Variants in IGSF5 observed in about 807,000 individuals in gnomAD.
IGSF5 encodes immunoglobulin superfamily 5 like.
Under a neutral mutation model 39.4 loss-of-function variants are expected in IGSF5, and 41 were observed. The observed-to-expected ratio is 1.04, with a 90% CI of 0.81 to 1.35. The LOEUF is 1.35. Ranked by LOEUF, IGSF5 falls within the 40% of genes most tolerant of loss-of-function variation. The probability of loss-of-function intolerance (pLI) is 0.00; values close to 1 mark genes in which losing one functional copy is unlikely to be tolerated. For synonymous variants in IGSF5, 183 were observed against 175.3 expected (o/e 1.04, Z -0.34); for missense variants, 487 against 494.6 (o/e 0.98, Z 0.15).
chr21:39,760,199 A>T (rs1415471598), intron 2 of IGSF5, among the ~76,000 whole-genome samples: 1 of 152,112 alleles, frequency 6.6e-6, no homozygotes, highest in Admixed American at 6.5e-5. Flanking sequence ...GTTATATAGA[A>T]CTCAGCCACC....
At chr21:39,779,661 A>C (rs554372454) in intron 5 of IGSF5, among the ~76,000 whole-genome samples, 2 of 152,230 alleles carry the variant, frequency 1.3e-5, no homozygotes, top group Non-Finnish European at 2.9e-5. Context: ...TATGTACATC[A>C]ATAGATGAAT....
intron 8 of IGSF5, among the ~76,000 whole-genome samples, chr21:39,794,482 G>T (rs1013713766): frequency 6.6e-6 from 1 of 152,168 alleles, no homozygotes; most frequent in Non-Finnish European, 1.5e-5. Flanking sequence ...GCAGCACTGA[G>T]AACATAGTAT....
At chr21:39,714,604 C>G in the IGSF5 span, among the ~76,000 whole-genome samples, 788 of 152,336 alleles carry the variant, frequency 5.2e-3, 10 homozygotes, top group African/African-American at 0.018. Flanking sequence ...ACTCCAGGCT[C>G]TCCCACAGCT....
At chr21:39,748,675 T>G (rs1031025752) in intron 2 of IGSF5, among the ~76,000 whole-genome samples, 6 of 151,974 alleles carry the variant, frequency 3.9e-5, no homozygotes, top group African/African-American at 1.4e-4. Context: ...ACATTGGGAG[T>G]GAGGGCTTCA....
the IGSF5 span, among the ~76,000 whole-genome samples, chr21:39,728,607 C>T: frequency 3.3e-5 from 5 of 152,288 alleles, no homozygotes; most frequent in South Asian, 2.1e-4. Flanking sequence ...TCTGCTTCCT[C>T]TCTCGTGCTC....
rs377713689 is a variant in IGSF5 at position 39,747,204 on chromosome 21, T to A, written c.100+906T>A. Among the ~76,000 whole-genome samples, 10 of 152,302 alleles carry A rather than the reference T, an allele frequency of 6.6e-5. No individual in the cohort carries two copies. The East Asian group carries it at 1.4e-3, about 21-fold the overall frequency. On this transcript the variant is annotated intron_variant, in intron 2 of 8. Transcript: ENST00000380588. ...AATCATGGCCGAAGGTGAAAGGCAC[T>A]TCTTACATGGCAGCAGCAAGAGCGA...
intron 6 of IGSF5, among the ~76,000 whole-genome samples, chr21:39,790,320 C>T (rs919526395): frequency 6.6e-6 from 1 of 152,218 alleles, no homozygotes; most frequent in African/African-American, 2.4e-5. Flanking sequence ...TTACCTTTTG[C>T]TTTAAATGGG....
intron 2 of IGSF5, among the ~76,000 whole-genome samples, chr21:39,763,116 C>G (rs568543473): frequency 2.6e-5 from 4 of 152,102 alleles, no homozygotes; most frequent in Non-Finnish European, 1.5e-5. Context: ...GACGAGCTCC[C>G]GGGACCTAAA....
chr21:39,783,056 A>C (rs1033047406), intron 5 of IGSF5, among the ~76,000 whole-genome samples: 26 of 152,226 alleles, frequency 1.7e-4, no homozygotes, highest in African/African-American at 6.0e-4. Flanking sequence ...TGTGGATTTC[A>C]TTCTGTTTTA....
chr21:39,766,880 A>G (rs910956646), intron 3 of IGSF5, among the ~76,000 whole-genome samples: 7 of 152,134 alleles, frequency 4.6e-5, no homozygotes, highest in African/African-American at 1.4e-4. Flanking sequence ...GAAATTCCCA[A>G]AGATTTTGTT....
the IGSF5 span, among the ~76,000 whole-genome samples, chr21:39,736,117 A>T: frequency 7.2e-6 from 1 of 139,220 alleles, no homozygotes; most frequent in South Asian, 2.1e-4. Context: ...GCCCCCTGGC[A>T]CCCACCCTGC....
At chr21:39,785,697 T>A (rs1292244609) in intron 5 of IGSF5, among the ~76,000 whole-genome samples, 1 of 152,104 alleles carries the variant, frequency 6.6e-6, no homozygotes, top group Non-Finnish European at 1.5e-5. Flanking sequence ...GAGCATGGAA[T>A]GTTCTTCCAT....
rs143029603 is a variant in IGSF5, at chr21:39,765,728, C to T, written c.294C>T (p.Tyr98=). 1.8e-4 allele frequency: 298 copies of T among 1,614,102 alleles called. No individual in the cohort carries two copies. The highest frequency in any genetic ancestry group is 8.5e-4 in the East Asian group (38 of 44,848). Residue 98 remains tyrosine (Y), a synonymous_variant, in exon 3 of 9, where the codon TAC becomes TAT. Coordinates refer to ENST00000380588, the MANE Select transcript of IGSF5 (RefSeq NM_001080444.2). ...ITNDRFTSQR[Y]DQGGNFTSEM... The stretch of plus-strand genomic sequence containing the variant: ...ATGACCGCTTCACCTCTCAGAGGTA[C>T]GACCAGGGCGGGAACTTCACCTCGG...
upstream of IGSF5, among the ~76,000 whole-genome samples, chr21:39,743,550 G>T (rs1205128458): frequency 6.6e-6 from 1 of 151,688 alleles, no homozygotes; most frequent in Non-Finnish European, 1.5e-5. Flanking sequence ...GCACTCTTTG[G>T]TTCATTGTTT....
At chr21:39,726,426 T>A in the IGSF5 span, among the ~76,000 whole-genome samples, 1 of 152,148 alleles carries the variant, frequency 6.6e-6, no homozygotes, top group East Asian at 1.9e-4. Context: ...CACGCAGGCC[T>A]CTGTCTCATG....
rs1300980098 is a variant in IGSF5 at position 39,749,018 on chromosome 21, C to T, written c.100+2720C>T. On this transcript the variant is annotated intron_variant, in intron 2 of 8. Transcript: ENST00000380588. ...CAGCACCAGGCGCCTGTGGAAGAAACATAAAAGACAAATTAACGGGAGAAA... is the reference window on the plus strand; with the variant it reads ...CAGCACCAGGCGCCTGTGGAAGAAATATAAAAGACAAATTAACGGGAGAAA... Among the ~76,000 whole-genome samples, 4 of 150,484 alleles carry T rather than the reference C, an allele frequency of 2.7e-5. No homozygotes were observed. In the East Asian group the frequency reaches 7.7e-4, roughly 29 times the overall value.
chr21:39,765,878 T>C (rs375390449), intron 3 of IGSF5, 26 bp downstream of exon 3: 1 of 1,594,810 alleles, frequency 6.3e-7, no homozygotes, highest in East Asian at 2.3e-5. Flanking sequence ...GCTTCTGAAG[T>C]CCATCAGGTT....
At chr21:39,775,225 G>C (rs1194140129) in intron 4 of IGSF5, among the ~76,000 whole-genome samples, 1 of 152,178 alleles carries the variant, frequency 6.6e-6, no homozygotes, top group Non-Finnish European at 1.5e-5. Flanking sequence ...AGACAGCCTG[G>C]GTTCCAATCC....
chr21:39,748,904 T>C (rs555112459), intron 2 of IGSF5, among the ~76,000 whole-genome samples: 11 of 152,152 alleles, frequency 7.2e-5, no homozygotes, highest in South Asian at 2.1e-4. Context: ...GAAAGTTGCA[T>C]TGGATGACAA....
Sources: allele counts gnomAD v4.1 joint callset (sites outside exome capture counted in the v4.1 genomes callset), GRCh38; gene constraint gnomAD v4.1.1; transcripts MANE v1.5; gene names NCBI Gene and HGNC (gene_info 2026-07-23, HGNC 2026-07-21).